The following PPP2R3A variants were observed in gnomAD, a reference collection of about 807,000 sequenced individuals.
PPP2R3A encodes protein phosphatase 2 regulatory subunit B''alpha, also known as serine/threonine-protein phosphatase 2A regulatory subunit B'' subunit alpha.
A neutral mutation model predicts 106.9 loss-of-function variants in PPP2R3A; 80 were observed. The ratio of observed to expected loss-of-function variants is 0.75; its 90% confidence interval spans 0.62 to 0.90. The LOEUF is 0.90. PPP2R3A is among the 40% of genes least tolerant of loss of function. The pLI is 0.00. For missense variants in PPP2R3A, 1,386 were observed against 1,350.4 expected (o/e 1.03, Z -0.41); for synonymous variants, 483 against 468.3 (o/e 1.03, Z -0.41).
Position 136,005,655 on chromosome 3 carries a change from C to T in PPP2R3A, c.1995+2162C>T, listed in dbSNP as rs113515870. 5.3e-5 allele frequency among the ~76,000 whole-genome samples: 8 copies of T among 152,082 alleles called. 1 individual carries two copies. The highest frequency in any genetic ancestry group is 1.9e-4 in the African/African-American group (8 of 41,486). On this transcript the variant is annotated intron_variant, in intron 2 of 13. Transcript: ENST00000264977. ...GTTTTTTTTCCCACATGACACATTG[C>T]AGTACACAGGCAATACTGATGTGCT...
chr3:136,062,361 T>C (rs1389415878), intron 5 of PPP2R3A, among the ~76,000 whole-genome samples: 1 of 152,068 alleles, frequency 6.6e-6, no homozygotes, highest in Middle Eastern at 3.2e-3. Flanking sequence ...GTAAAATTCC[T>C]CCAAGCAGGT....
At chr3:136,013,186 G>A (rs903166538) in intron 2 of PPP2R3A, among the ~76,000 whole-genome samples, 1 of 143,128 alleles carries the variant, frequency 7.0e-6, no homozygotes, top group African/African-American at 2.6e-5. Flanking sequence ...GTGTGTGTAT[G>A]TATGTATGTA....
intron 2 of PPP2R3A, among the ~76,000 whole-genome samples, chr3:136,009,067 T>G (rs1933951891): frequency 6.6e-6 from 1 of 152,162 alleles, no homozygotes; most frequent in African/African-American, 2.4e-5. Flanking sequence ...CCATGTCCTC[T>G]TGCACTCTGA....
intron 1 of PPP2R3A, among the ~76,000 whole-genome samples, chr3:135,967,757 T>C (rs1937129234): frequency 6.6e-6 from 1 of 152,118 alleles, no homozygotes; most frequent in South Asian, 2.1e-4. Flanking sequence ...TATTTAAAAA[T>C]CACCACCCTC....
intron 2 of PPP2R3A, among the ~76,000 whole-genome samples, chr3:136,012,707 T>C (rs1934125522): frequency 6.6e-6 from 1 of 152,232 alleles, no homozygotes; most frequent in African/African-American, 2.4e-5. Context: ...AATTAGCTTA[T>C]AATCAGTTGG....
intron 2 of PPP2R3A, among the ~76,000 whole-genome samples, chr3:136,022,578 A>G (rs905340682): frequency 1.3e-5 from 2 of 152,128 alleles, no homozygotes; most frequent in South Asian, 4.1e-4. Flanking sequence ...AAAATGTTCT[A>G]CATACTCTTT....
intron 6 of PPP2R3A, among the ~76,000 whole-genome samples, chr3:136,071,458 G>T (rs926800676): frequency 1.3e-5 from 2 of 152,170 alleles, no homozygotes; most frequent in African/African-American, 4.8e-5. Context: ...AGGTGTCACT[G>T]TTATCTAAGA....
At chr3:136,089,731 A>G (rs1937046727) in intron 9 of PPP2R3A, among the ~76,000 whole-genome samples, 1 of 151,964 alleles carries the variant, frequency 6.6e-6, no homozygotes, top group African/African-American at 2.4e-5. Flanking sequence ...CTTCCTATCC[A>G]TGACCATGGA....
intron 5 of PPP2R3A, among the ~76,000 whole-genome samples, chr3:136,053,678 A>G (rs1158791851): frequency 6.6e-6 from 1 of 152,250 alleles, no homozygotes; most frequent in African/African-American, 2.4e-5. Context: ...TGACAGCCAC[A>G]GATTAAAATT....
At chr3:136,135,576 C>A (rs542829287) in intron 13 of PPP2R3A, among the ~76,000 whole-genome samples, 63 of 152,122 alleles carry the variant, frequency 4.1e-4, no homozygotes, top group Non-Finnish European at 5.0e-4. Flanking sequence ...GCTTAGGAGC[C>A]AGACAGATCT....
chr3:136,139,992 CGA>C (rs1938791280), intron 13 of PPP2R3A, among the ~76,000 whole-genome samples: 1 of 138,102 alleles, frequency 7.2e-6, no homozygotes, highest in Admixed American at 7.7e-5. Flanking sequence ...AGCAACAGAG[CGA>C]GACTCTGTCT....
At chr3:135,996,309 G>A (rs1160397293) in intron 1 of PPP2R3A, among the ~76,000 whole-genome samples, 3 of 152,090 alleles carry the variant, frequency 2.0e-5, no homozygotes, top group Non-Finnish European at 2.9e-5. Flanking sequence ...CTTCTAAACT[G>A]TCATTTTTGT....
intron 12 of PPP2R3A, among the ~76,000 whole-genome samples, chr3:136,103,778 C>A (rs968585438): frequency 1.3e-5 from 2 of 152,182 alleles, no homozygotes; most frequent in Non-Finnish European, 2.9e-5. Context: ...AAGTAGCTTT[C>A]CCCATCACGG....
chr3:135,995,695 A>T (rs989987128), intron 1 of PPP2R3A, among the ~76,000 whole-genome samples: 3 of 151,784 alleles, frequency 2.0e-5, no homozygotes, highest in Admixed American at 2.0e-4. Context: ...TTGATTGTGA[A>T]CTCCTGACCT....
chr3:136,121,580 T>G (rs1000795950), intron 13 of PPP2R3A, among the ~76,000 whole-genome samples: 3 of 152,056 alleles, frequency 2.0e-5, no homozygotes, highest in Non-Finnish European at 4.4e-5. Context: ...CCCTTGAATC[T>G]AAAATAAAAG....
At chr3:136,035,915 A>G (rs1935069730) in intron 3 of PPP2R3A, among the ~76,000 whole-genome samples, 1 of 151,352 alleles carries the variant, frequency 6.6e-6, no homozygotes, top group Non-Finnish European at 1.5e-5. Context: ...GGCTTTGTTC[A>G]TATTTTCTTT....
intron 1 of PPP2R3A, among the ~76,000 whole-genome samples, chr3:135,975,535 A>T (rs1396883553): frequency 2.0e-5 from 3 of 152,224 alleles, no homozygotes; most frequent in Non-Finnish European, 4.4e-5. Context: ...AGATGAGCTG[A>T]TTTCCTAGAT....
At chr3:136,074,917 C>T (rs527861836) in intron 6 of PPP2R3A, among the ~76,000 whole-genome samples, 2 of 152,252 alleles carry the variant, frequency 1.3e-5, no homozygotes, top group South Asian at 4.1e-4. Context: ...CTACAGAAGA[C>T]CATAAGGAAA....
chr3:136,035,371 A>T (rs924664129), intron 3 of PPP2R3A, among the ~76,000 whole-genome samples: 1 of 151,958 alleles, frequency 6.6e-6, no homozygotes, highest in Non-Finnish European at 1.5e-5. Context: ...TGTTTCCAGG[A>T]TTTGTTTCAA....
Sources: gnomAD v4.1 joint callset for allele counts (sites outside exome capture counted in the v4.1 genomes callset) on GRCh38, gnomAD v4.1.1 for gene constraint, MANE v1.5 for transcripts, NCBI Gene and HGNC (gene_info 2026-07-23, HGNC 2026-07-21) for gene names.